Variants in HNF1B observed in about 807,000 individuals in gnomAD.
HNF1B encodes the protein HNF1 homeobox B.
In HNF1B, 8 loss-of-function variants were observed where a neutral mutation model predicts 61.7. The ratio of observed to expected loss-of-function variants is 0.13; its 90% CI spans 0.08 to 0.23. The LOEUF (loss-of-function observed/expected upper bound fraction) is 0.23. Ranked by LOEUF, HNF1B falls within the 10% of genes least tolerant of loss-of-function variation. The probability of loss-of-function intolerance (pLI) is 1.00; values close to 1 mark genes in which losing one functional copy is unlikely to be tolerated. For missense variants in HNF1B, 562 were observed against 714.5 expected, an observed-to-expected ratio of 0.79 and a Z score of 2.43; for synonymous variants, 314 against 287.7, an observed-to-expected ratio of 1.09 and a Z score of -0.93.
At chr17:37,727,850 G>T (rs11263759) in intron 4 of HNF1B, among the ~76,000 whole-genome samples, 1 of 152,074 alleles carries the variant, frequency 6.6e-6, no homozygotes, top group Non-Finnish European at 1.5e-5. Flanking sequence ...CAGCCCTCCT[G>T]GCTCAGGTGC....
intron 3 of HNF1B, among the ~76,000 whole-genome samples, chr17:37,732,965 G>C (rs911089838): frequency 7.9e-5 from 12 of 152,082 alleles, no homozygotes; most frequent in Admixed American, 6.5e-4. Flanking sequence ...ATAAGTGTGA[G>C]CCACCGTGCC....
intron 3 of HNF1B, among the ~76,000 whole-genome samples, chr17:37,732,348 A>G (rs2033713208): frequency 1.3e-5 from 2 of 152,174 alleles, no homozygotes; most frequent in Non-Finnish European, 2.9e-5. Context: ...GTGCATTGAG[A>G]TGGCCAGTCT....
rs878952817 is a variant in HNF1B at position 37,731,662 on chromosome 17, C to G, written c.978G>C (p.Leu326=). 1 of 1,614,124 alleles carries G rather than the reference C, an allele frequency of 6.2e-7. No individual in the cohort carries two copies. Among genetic ancestry groups the G allele is most frequent in the Non-Finnish European group, 8.5e-7 (1 of 1,180,016 alleles). The change falls in exon 4 of 9, where the codon CTG becomes CTC. Residue 326 remains leucine (L), a synonymous_variant. Transcript: ENST00000617811. ...GGGAGCCGTGGGAGAGCAGAGGGTT[C>G]AGGCTGTGAGTCTGGTTGGAGCTAT... ...DAYSSNQTHS[L]NPLLSHGSPH...
chr17:37,744,451 G>A, intron 1 of HNF1B, 90 bp downstream of exon 1: 1 of 1,336,482 alleles, frequency 7.5e-7, no homozygotes. Flanking sequence ...AAACGGGCTT[G>A]GCGAGTGTGG....
intron 6 of HNF1B, among the ~76,000 whole-genome samples, chr17:37,702,916 T>A (rs2032618606): frequency 6.6e-6 from 1 of 152,220 alleles, no homozygotes; most frequent in Admixed American, 6.5e-5. Flanking sequence ...GACCTTTTCA[T>A]CTGTTTCTGT....
chr17:37,696,843 G>A (rs1333022726), intron 8 of HNF1B, among the ~76,000 whole-genome samples: 3 of 152,224 alleles, frequency 2.0e-5, no homozygotes, highest in Non-Finnish European at 4.4e-5. Context: ...TGTACAAACT[G>A]TCTTCACCTT....
chr17:37,698,330 G>A (rs933731728), intron 8 of HNF1B, among the ~76,000 whole-genome samples: 7 of 151,956 alleles, frequency 4.6e-5, no homozygotes, highest in Admixed American at 2.0e-4. Flanking sequence ...TCTAACTCTC[G>A]GTGTCTTCTT....
Position 37,686,781 on chromosome 17 carries a change from C to T in HNF1B, c.*591G>A, listed in dbSNP as rs1384351133. The T allele has an allele frequency of 5.6e-6, 1 of 177,022 alleles. No individual in the cohort carries two copies. The highest frequency in any genetic ancestry group is 1.2e-5 in the Non-Finnish European group (1 of 81,406). 11.0% of individuals were successfully genotyped at this position (177,022 alleles called of 1,614,324 possible). On this transcript the variant is annotated 3_prime_UTR_variant, in exon 9 of 9. Transcript: ENST00000617811. ...TCACTTTTGAAATTTTGACTCTGACCTTTACAAAGAAAACTAATAGACACT... is the reference window on the plus strand; with the variant it reads ...TCACTTTTGAAATTTTGACTCTGACTTTTACAAAGAAAACTAATAGACACT...
intron 8 of HNF1B, among the ~76,000 whole-genome samples, chr17:37,688,859 G>A (rs2032084432): frequency 6.6e-6 from 1 of 152,134 alleles, no homozygotes; most frequent in Non-Finnish European, 1.5e-5. Flanking sequence ...TAAGAGTGGG[G>A]CTGAAGGCCT....
chr17:37,720,936 A>G, intron 4 of HNF1B: 2 of 985,454 alleles, frequency 2.0e-6, no homozygotes, highest in Non-Finnish European at 2.4e-6. Flanking sequence ...GTCTCCATCC[A>G]TAAAACACCT....
intron 2 of HNF1B, among the ~76,000 whole-genome samples, chr17:37,736,693 G>A (rs531616838): frequency 1.3e-5 from 2 of 152,178 alleles, no homozygotes; most frequent in Non-Finnish European, 2.9e-5. Flanking sequence ...AGACACTCTC[G>A]CAGCTGCTCC....
rs1194668881 is a variant in HNF1B, at chr17:37,687,384, T to C, written c.1662A>G (p.Leu554=). 1.9e-6 allele frequency: 3 copies of C among 1,613,246 alleles called. No individual in the cohort carries two copies. In the Admixed American group the frequency reaches 5.0e-5, roughly 27 times the overall value. The part of the protein sequence containing the change: ...TNMSSSKQCP[L]QAW ...TGGTGTGTGGGCATCACCAGGCTTG[T>C]AGAGGACACTGCAGAGAGAGAGGAG... Residue 554 remains leucine (L), a synonymous_variant, in exon 9 of 9, where the codon CTA becomes CTG. Coordinates refer to ENST00000617811, the MANE Select transcript of HNF1B (RefSeq NM_000458.4).
chr17:37,701,265 C>A, intron 6 of HNF1B, 88 bp from the exon 7 acceptor site: 1 of 1,286,460 alleles, frequency 7.8e-7, no homozygotes, highest in South Asian at 1.3e-5. Flanking sequence ...CGCTCAATGT[C>A]CCAGTCACCG....
intron 4 of HNF1B, among the ~76,000 whole-genome samples, chr17:37,720,209 G>C (rs1403794466): frequency 6.6e-6 from 1 of 152,092 alleles, no homozygotes; most frequent in Non-Finnish European, 1.5e-5. Context: ...ACCTCATTTT[G>C]CTCAAAGGAA....
At chr17:37,720,911 C>G in intron 4 of HNF1B, 1 of 985,388 alleles carries the variant, frequency 1.0e-6, no homozygotes, top group Non-Finnish European at 1.2e-6. Context: ...TGAAGAAGAA[C>G]GGCCGCTCAT....
chr17:37,741,379 TTATA>T (rs1424543130), intron 1 of HNF1B, among the ~76,000 whole-genome samples: 1 of 152,138 alleles, frequency 6.6e-6, no homozygotes, highest in Admixed American at 6.5e-5. Context: ...TTTATATTAA[TTATA>T]TATAAGAACG....
At chr17:37,691,991 A>T (rs1339695356) in intron 8 of HNF1B, among the ~76,000 whole-genome samples, 1 of 152,234 alleles carries the variant, frequency 6.6e-6, no homozygotes, top group Non-Finnish European at 1.5e-5. Flanking sequence ...GTTGGCTCAC[A>T]ACCTGCCTGC....
chr17:37,708,508 A>T (rs1297749026), intron 5 of HNF1B, among the ~76,000 whole-genome samples: 1 of 152,184 alleles, frequency 6.6e-6, no homozygotes, highest in South Asian at 2.1e-4. Flanking sequence ...GAGGAGAGGC[A>T]GAGCTCAGTA....
chr17:37,711,005 G>T (rs2032917900), intron 4 of HNF1B, among the ~76,000 whole-genome samples: 1 of 152,250 alleles, frequency 6.6e-6, no homozygotes, highest in Non-Finnish European at 1.5e-5. Flanking sequence ...CTTCCGCACA[G>T]TTCTTTGAGG....
Sources: allele counts gnomAD v4.1 joint callset (sites outside exome capture counted in the v4.1 genomes callset), GRCh38; gene constraint gnomAD v4.1.1; transcripts MANE v1.5; gene names NCBI Gene and HGNC (gene_info 2026-07-23, HGNC 2026-07-21).